The following KIFAP3 variants were observed in gnomAD, a reference collection of about 807,000 sequenced individuals.
KIFAP3 encodes kinesin associated protein 3, also known as kinesin-associated protein 3.
KIFAP3 carries 68 observed loss-of-function variants against 106.5 expected under a neutral mutation model. The observed-to-expected ratio is 0.64, with a 90% CI of 0.53 to 0.78. The LOEUF is 0.78. Ranked by LOEUF, KIFAP3 falls within the 30% of genes least tolerant of loss-of-function variation. The pLI is 0.00. For synonymous variants in KIFAP3, 320 were observed against 311.5 expected, an observed-to-expected ratio of 1.03 and a Z score of -0.29; for missense variants, 780 against 941.8, an observed-to-expected ratio of 0.83 and a Z score of 2.25.
chr1:169,993,882 CA>C (rs890519512), intron 10 of KIFAP3, among the ~76,000 whole-genome samples: 54 of 151,170 alleles, frequency 3.6e-4, no homozygotes, highest in African/African-American at 9.5e-4. Context: ...AAGACTGTCT[CA>C]AAAAAAAAGT....
At chr1:169,953,979 A>T in intron 19 of KIFAP3, 32 bp downstream of exon 19, 1 of 1,441,840 alleles carries the variant, frequency 6.9e-7, no homozygotes, top group Non-Finnish European at 9.8e-7. Context: ...AACAGATACT[A>T]CACATTAGAT....
intron 19 of KIFAP3, among the ~76,000 whole-genome samples, chr1:169,929,085 T>G (rs1049292574): frequency 6.6e-6 from 1 of 152,192 alleles, no homozygotes; most frequent in Non-Finnish European, 1.5e-5. Context: ...TTGTCATTTA[T>G]AGACCAACCA....
At chr1:170,055,547 T>A (rs1670800218) in intron 1 of KIFAP3, 111 bp from the exon 2 acceptor site, 6 of 698,090 alleles carry the variant, frequency 8.6e-6, no homozygotes, top group East Asian at 2.9e-5. Context: ...TGCATTTGAA[T>A]CAGATTACTC....
upstream of KIFAP3, among the ~76,000 whole-genome samples, chr1:170,079,417 G>GCAACA (rs1447712191): frequency 6.6e-6 from 1 of 152,034 alleles, no homozygotes; most frequent in Non-Finnish European, 1.5e-5. Flanking sequence ...TTCCTTTATA[G>GCAACA]CAACACATAT....
At chr1:169,942,232 T>G (rs182154618) in intron 19 of KIFAP3, among the ~76,000 whole-genome samples, 2 of 152,128 alleles carry the variant, frequency 1.3e-5, no homozygotes, top group Admixed American at 1.3e-4. Context: ...ACAAAATAAC[T>G]AAAGAAATAA....
At chr1:170,023,800 ATT>A (rs1207515198) in intron 9 of KIFAP3, among the ~76,000 whole-genome samples, 1 of 152,130 alleles carries the variant, frequency 6.6e-6, no homozygotes, top group African/African-American at 2.4e-5. Flanking sequence ...TCCAAGGATC[ATT>A]GTATCAACAC....
chr1:169,994,026 T>G (rs1313083744), intron 10 of KIFAP3, among the ~76,000 whole-genome samples: 1 of 152,270 alleles, frequency 6.6e-6, no homozygotes, highest in Non-Finnish European at 1.5e-5. Context: ...GATGCAAGAA[T>G]AGTACCTAGC....
At chr1:170,061,972 T>C (rs1367732091) in intron 1 of KIFAP3, among the ~76,000 whole-genome samples, 2 of 151,880 alleles carry the variant, frequency 1.3e-5, no homozygotes, top group South Asian at 2.1e-4. Flanking sequence ...ATGAGAACAC[T>C]TGGACACAGA....
intron 15 of KIFAP3, among the ~76,000 whole-genome samples, chr1:169,979,147 G>C (rs1666377490): frequency 6.6e-6 from 1 of 152,002 alleles, no homozygotes; most frequent in South Asian, 2.1e-4. Context: ...GAATATCTTA[G>C]CTCTCTTGAT....
intron 17 of KIFAP3, 105 bp from the exon 18 acceptor site, chr1:169,961,340 C>A: frequency 2.7e-6 from 2 of 738,884 alleles, no homozygotes; most frequent in South Asian, 3.4e-5. Flanking sequence ...TTCACTGGGT[C>A]AGAGGAAGCA....
chr1:169,932,005 C>G (rs1396693861), intron 19 of KIFAP3, among the ~76,000 whole-genome samples: 3 of 152,116 alleles, frequency 2.0e-5, no homozygotes, highest in Admixed American at 6.6e-5. Context: ...TACTTTTGGT[C>G]TCTACATATG....
chr1:169,946,874 AT>A (rs1664465634), intron 19 of KIFAP3, among the ~76,000 whole-genome samples: 1 of 151,952 alleles, frequency 6.6e-6, no homozygotes, highest in African/African-American at 2.4e-5. Context: ...GAAAAAAGGG[AT>A]TTCATGTAAA....
intron 10 of KIFAP3, among the ~76,000 whole-genome samples, chr1:169,993,031 T>C (rs986368045): frequency 6.6e-6 from 1 of 151,822 alleles, no homozygotes; most frequent in Non-Finnish European, 1.5e-5. Flanking sequence ...TTCTAGGCCA[T>C]GAGAAATTCT....
intron 19 of KIFAP3, among the ~76,000 whole-genome samples, chr1:169,942,644 G>A (rs1664193641): frequency 6.6e-6 from 1 of 152,204 alleles, no homozygotes; most frequent in South Asian, 2.1e-4. Flanking sequence ...ATTAACTGCT[G>A]CAGATTTACT....
At chr1:169,990,006 C>A in intron 11 of KIFAP3, 1 of 1,536,538 alleles carries the variant, frequency 6.5e-7, no homozygotes, top group African/African-American at 1.4e-5. Flanking sequence ...ACGATTTGTT[C>A]ATATTCTTCT....
chr1:169,934,941 C>G (rs1663704982), intron 19 of KIFAP3, among the ~76,000 whole-genome samples: 1 of 151,752 alleles, frequency 6.6e-6, no homozygotes, highest in South Asian at 2.1e-4. Context: ...TTCTTTTTCC[C>G]CATAGTGTAT....
At chr1:170,039,006 C>T (rs746922187) in intron 4 of KIFAP3, among the ~76,000 whole-genome samples, 3 of 152,142 alleles carry the variant, frequency 2.0e-5, no homozygotes, top group Non-Finnish European at 4.4e-5. Flanking sequence ...TCGCTTGAAC[C>T]CGGGAGGCGG....
At chr1:169,989,650 C>A (rs921271179) in intron 11 of KIFAP3, among the ~76,000 whole-genome samples, 1 of 151,990 alleles carries the variant, frequency 6.6e-6, no homozygotes, top group Admixed American at 6.6e-5. Context: ...CTATAAGACA[C>A]CTGCCTTGCT....
intron 19 of KIFAP3, among the ~76,000 whole-genome samples, chr1:169,951,393 T>C (rs925928720): frequency 1.3e-5 from 2 of 151,958 alleles, no homozygotes; most frequent in African/African-American, 4.8e-5. Context: ...CTATAGTAAG[T>C]TTTATTAACT....
Sources: allele counts gnomAD v4.1 joint callset (sites outside exome capture counted in the v4.1 genomes callset), GRCh38; gene constraint gnomAD v4.1.1; transcripts MANE v1.5; gene names NCBI Gene and HGNC (gene_info 2026-07-23, HGNC 2026-07-21).